The following SEMA3A variants were observed in gnomAD, a reference collection of about 807,000 sequenced individuals.
SEMA3A encodes semaphorin 3A, also known as semaphorin-3A.
SEMA3A carries 29 observed loss-of-function variants against 97.9 expected under a neutral mutation model. The observed-to-expected ratio is 0.30, with a 90% CI of 0.22 to 0.40. The LOEUF (loss-of-function observed/expected upper bound fraction) is 0.40. Ranked by LOEUF, SEMA3A falls within the 10% of genes least tolerant of loss-of-function variation. The probability of loss-of-function intolerance (pLI) is 1.00; values close to 1 mark genes in which losing one functional copy is unlikely to be tolerated. For synonymous variants in SEMA3A, 321 were observed against 323.7 expected (o/e 0.99, Z 0.09); for missense variants, 763 against 951.3 (o/e 0.80, Z 2.60).
In SEMA3A at chr7:84,225,453, C is replaced by T. The variant is rs560541204; in HGVS notation, c.-82-30785G>A. On this transcript the variant is annotated intron_variant, in intron 3 of 3. Coordinates refer to the SEMA3A transcript ENST00000424555. Reference sequence around the variant, plus strand: ...GATTATTGCTTTTGCGTGACCCATACGAAAGTAACGAAGTAGGTCTTGGAG... The same window carrying T: ...GATTATTGCTTTTGCGTGACCCATATGAAAGTAACGAAGTAGGTCTTGGAG... Among the ~76,000 whole-genome samples the T allele has an allele frequency of 4.6e-5, 7 of 152,060 alleles. No homozygotes were observed. The South Asian group carries it at 8.3e-4, about 18-fold the overall frequency.
At chr7:84,021,909 T>C (rs1035658329) in intron 6 of SEMA3A, among the ~76,000 whole-genome samples, 2 of 152,146 alleles carry the variant, frequency 1.3e-5, no homozygotes, top group Non-Finnish European at 2.9e-5. Flanking sequence ...TGCTTATACA[T>C]GCTTCTTTAA....
chr7:84,083,167 G>A (rs1208385074), intron 4 of SEMA3A, among the ~76,000 whole-genome samples: 1 of 151,764 alleles, frequency 6.6e-6, no homozygotes, highest in East Asian at 1.9e-4. Context: ...ATATTAAAGG[G>A]CATTAAATGA....
Position 84,091,167 on chromosome 7 carries a change from GGAAAGAAAGAAAGAAAGAAAGAAA to G in SEMA3A, c.453+19279_453+19302del, listed in dbSNP as rs1165324789. ...AGGAAGGAAGGAAGGAAGGAAGGAA[GGAAAGAAAGAAAGAAAGAAAGAAA>G]GAAAGAAAGAAAGAAAGAAAGAAAA... On this transcript the variant is annotated intron_variant, in intron 4 of 16. Transcript: ENST00000265362. Among the ~76,000 whole-genome samples the G allele has an allele frequency of 6.4e-3, 275 of 42,858 alleles. 4 individuals are homozygous for G. The highest frequency in any genetic ancestry group is 0.019 in the African/African-American group (243 of 12,892). The allele number at this position is 42,858 out of a possible 152,430, so 28.1% of individuals were successfully genotyped here.
At chr7:84,082,571 G>A (rs780000119) in intron 4 of SEMA3A, among the ~76,000 whole-genome samples, 4 of 152,052 alleles carry the variant, frequency 2.6e-5, no homozygotes, top group Admixed American at 1.3e-4. Context: ...TTATGATCAT[G>A]TATAAAGACA....
At chr7:84,329,155 G>T (rs1187784608) in intron 2 of SEMA3A, among the ~76,000 whole-genome samples, 1 of 151,792 alleles carries the variant, frequency 6.6e-6, no homozygotes, top group Non-Finnish European at 1.5e-5. Context: ...TTGTGAAGGG[G>T]GTAAGAGAAA....
intron 14 of SEMA3A, 122 bp from the exon 15 acceptor site, chr7:83,977,318 G>A (rs1482850749): frequency 4.7e-6 from 2 of 427,692 alleles, no homozygotes; most frequent in Non-Finnish European, 8.0e-6. Context: ...TAACTTACAG[G>A]AACAGATGAA....
At chr7:84,113,421 C>T (rs563989854) in intron 3 of SEMA3A, among the ~76,000 whole-genome samples, 1 of 152,250 alleles carries the variant, frequency 6.6e-6, no homozygotes, top group East Asian at 1.9e-4. Flanking sequence ...CTTGGACATT[C>T]CTCTAAAAAA....
At chr7:84,067,539 T>C (rs1793565884) in intron 4 of SEMA3A, among the ~76,000 whole-genome samples, 1 of 152,016 alleles carries the variant, frequency 6.6e-6, no homozygotes, top group Admixed American at 6.5e-5. Context: ...AAAGGGCTAA[T>C]ATCCAGAATC....
At chr7:84,314,852 A>AT (rs934800222) in intron 2 of SEMA3A, among the ~76,000 whole-genome samples, 14 of 152,288 alleles carry the variant, frequency 9.2e-5, no homozygotes, top group African/African-American at 3.4e-4. Context: ...TTAGAAAGTC[A>AT]TTTTTTCAAG....
chr7:84,153,782 C>T (rs1349523419), intron 1 of SEMA3A, among the ~76,000 whole-genome samples: 1 of 151,980 alleles, frequency 6.6e-6, no homozygotes, highest in African/African-American at 2.4e-5. Context: ...TAATATTAAA[C>T]AAGAAAAGCG....
rs191996578 is a variant in SEMA3A at position 84,279,918 on chromosome 7, C to T, written c.-83+27289G>A. 2.0e-5 allele frequency among the ~76,000 whole-genome samples: 3 copies of T among 152,054 alleles called. No homozygotes were observed. In the East Asian group the frequency reaches 5.8e-4, roughly 29 times the overall value. ...TTTTTACGTATTTATTTATTTTTGA[C>T]CTAAGGTCTCACTCTGTTGCTCAGG... is the stretch of plus-strand genomic sequence containing the variant. On this transcript the variant is annotated intron_variant, in intron 3 of 3. Coordinates refer to the SEMA3A transcript ENST00000424555.
In SEMA3A at chr7:84,188,636, T is replaced by C. The variant is rs367580884; in HGVS notation, c.112+5839A>G. Among the ~76,000 whole-genome samples the C allele has an allele frequency of 2.6e-5, 4 of 151,956 alleles. No individual in the cohort carries two copies. The East Asian group carries it at 5.8e-4, about 22-fold the overall frequency. On this transcript the variant is annotated intron_variant, in intron 1 of 16. Transcript: ENST00000265362. ...TTCTTGGTAAGCACACATCATATAATATGTGATACTTAATATATACAGGCA... is the reference window on the plus strand; with the variant it reads ...TTCTTGGTAAGCACACATCATATAACATGTGATACTTAATATATACAGGCA...
At chr7:84,060,396 A>G (rs778829626) in intron 5 of SEMA3A, 69 bp downstream of exon 5, 53 of 959,298 alleles carry the variant, frequency 5.5e-5, no homozygotes, top group Non-Finnish European at 8.0e-5. Flanking sequence ...CTTGGTAGAT[A>G]AAAAAGAACA....
chr7:84,045,473 A>T (rs1792312481), intron 6 of SEMA3A, among the ~76,000 whole-genome samples: 1 of 151,860 alleles, frequency 6.6e-6, no homozygotes, highest in Non-Finnish European at 1.5e-5. Context: ...TTAATATAGT[A>T]GGGACCTTTA....
intron 3 of SEMA3A, among the ~76,000 whole-genome samples, chr7:84,235,290 A>G (rs1300178426): frequency 6.6e-6 from 1 of 152,044 alleles, no homozygotes; most frequent in Non-Finnish European, 1.5e-5. Context: ...GAGTGAAATG[A>G]AAGATAAACT....
intron 1 of SEMA3A, among the ~76,000 whole-genome samples, chr7:84,382,355 C>T (rs1803282184): frequency 6.6e-6 from 1 of 151,676 alleles, no homozygotes; most frequent in East Asian, 2.0e-4. Flanking sequence ...AATCCACCTA[C>T]CTCGGCCTCC....
intron 1 of SEMA3A, among the ~76,000 whole-genome samples, chr7:84,435,500 C>T (rs1472477433): frequency 3.3e-5 from 5 of 152,096 alleles, no homozygotes; most frequent in Non-Finnish European, 5.9e-5. Context: ...CCCAGCTACT[C>T]GGGTGGTTGA....
chr7:84,412,937 TACAC>T (rs960280765), intron 1 of SEMA3A, among the ~76,000 whole-genome samples: 24 of 151,740 alleles, frequency 1.6e-4, no homozygotes, highest in Non-Finnish European at 2.4e-4. Flanking sequence ...CACACACACA[TACAC>T]ACACACTCAC....
At chr7:84,452,721 C>T (rs1805589750) in intron 1 of SEMA3A, among the ~76,000 whole-genome samples, 1 of 152,328 alleles carries the variant, frequency 6.6e-6, no homozygotes, top group East Asian at 1.9e-4. Flanking sequence ...TAGGGTGTTG[C>T]TGATGAAAGA....
Sources: gnomAD v4.1 joint callset for allele counts (sites outside exome capture counted in the v4.1 genomes callset) on GRCh38, gnomAD v4.1.1 for gene constraint, MANE v1.5 for transcripts, NCBI Gene and HGNC (gene_info 2026-07-23, HGNC 2026-07-21) for gene names.